CFAP141: variants seen among roughly 807,000 people sequenced by gnomAD.
CFAP141 encodes cilia and flagella associated protein 141, also known as cilia- and flagella-associated protein 141.
chr1:154,204,459 T>C, the CFAP141 span, among the ~76,000 whole-genome samples: 1 of 152,184 alleles, frequency 6.6e-6, no homozygotes, highest in East Asian at 1.9e-4. Context: ...TTAAGTTTTT[T>C]GGTAGAGATG....
chr1:154,199,871 G>GT, the CFAP141 span, among the ~76,000 whole-genome samples: 5 of 151,976 alleles, frequency 3.3e-5, no homozygotes, highest in Admixed American at 1.3e-4. Context: ...CTAAGAGGCA[G>GT]TTTTTTTTGT....
At chr1:154,202,406 T>C in the CFAP141 span, among the ~76,000 whole-genome samples, 1 of 152,156 alleles carries the variant, frequency 6.6e-6, no homozygotes, top group Non-Finnish European at 1.5e-5. Context: ...ATAGAAAGAA[T>C]ATAAATATAC....
At chr1:154,205,983 G>A in the CFAP141 span, among the ~76,000 whole-genome samples, 1 of 152,116 alleles carries the variant, frequency 6.6e-6, no homozygotes, top group Non-Finnish European at 1.5e-5. Context: ...GATTACAGGC[G>A]TGAGTCACCG....
At chr1:154,203,031 G>T in the CFAP141 span, among the ~76,000 whole-genome samples, 1 of 147,852 alleles carries the variant, frequency 6.8e-6, no homozygotes, top group Non-Finnish European at 1.5e-5. Context: ...TGGGGCACGA[G>T]AATCACTTGA....
At chr1:154,206,246 AC>A in the CFAP141 span, 1 of 1,610,910 alleles carries the variant, frequency 6.2e-7, no homozygotes, top group Non-Finnish European at 8.5e-7. Flanking sequence ...TCAAACTTCA[AC>A]CCAGCCCCTC....
At chr1:154,204,599 G>C in the CFAP141 span, among the ~76,000 whole-genome samples, 2 of 150,658 alleles carry the variant, frequency 1.3e-5, no homozygotes, top group African/African-American at 4.9e-5. Context: ...TTTGTTTTGA[G>C]ACAGGGTTTT....
At chr1:154,204,127 T>C in the CFAP141 span, among the ~76,000 whole-genome samples, 1 of 148,518 alleles carries the variant, frequency 6.7e-6, no homozygotes, top group African/African-American at 2.4e-5. Flanking sequence ...ATAAAAGCAA[T>C]AGTCATGAAC....
chr1:154,205,676 T>G, the CFAP141 span: 1 of 1,585,552 alleles, frequency 6.3e-7, no homozygotes, highest in African/African-American at 1.3e-5. Flanking sequence ...TGCCTCAGTC[T>G]CCAGAACCTC....
At chr1:154,202,868 C>T in the CFAP141 span, among the ~76,000 whole-genome samples, 95 of 151,742 alleles carry the variant, frequency 6.3e-4, 1 homozygote, top group African/African-American at 2.2e-3. Context: ...TGCCTGTAAT[C>T]CCAGCACTTC....
the CFAP141 span, chr1:154,200,669 T>C: frequency 7.1e-7 from 1 of 1,409,192 alleles, no homozygotes; most frequent in Non-Finnish European, 9.7e-7. Context: ...AGTGAGGCTG[T>C]TTCTTTTTTC....
chr1:154,204,692 G>A, the CFAP141 span, among the ~76,000 whole-genome samples: 2 of 151,652 alleles, frequency 1.3e-5, no homozygotes, highest in East Asian at 3.9e-4. Context: ...CTCCTGAGTG[G>A]CTGAGACTAC....
the CFAP141 span, chr1:154,205,736 C>A: frequency 8.8e-7 from 1 of 1,140,478 alleles, no homozygotes; most frequent in Admixed American, 1.9e-5. Flanking sequence ...CAGAGTTTTG[C>A]TCTTGTTGCC....
the CFAP141 span, among the ~76,000 whole-genome samples, chr1:154,204,573 G>GC: frequency 6.6e-6 from 1 of 151,510 alleles, no homozygotes; most frequent in African/African-American, 2.4e-5. Context: ...GAGCCAATGT[G>GC]CCCAGCTCAT....
the CFAP141 span, among the ~76,000 whole-genome samples, chr1:154,205,035 C>T: frequency 6.6e-6 from 1 of 151,890 alleles, no homozygotes; most frequent in African/African-American, 2.4e-5. Flanking sequence ...GCGCACACTA[C>T]CATGCCTGGC....
At chr1:154,202,505 A>T in the CFAP141 span, among the ~76,000 whole-genome samples, 4 of 152,210 alleles carry the variant, frequency 2.6e-5, no homozygotes, top group Non-Finnish European at 5.9e-5. Flanking sequence ...TCTACACAGA[A>T]ATACATTAAG....
chr1:154,202,675 C>G, the CFAP141 span, among the ~76,000 whole-genome samples: 2 of 151,472 alleles, frequency 1.3e-5, no homozygotes, highest in African/African-American at 4.8e-5. Context: ...GTGGCGGGTG[C>G]CTGTAGTCCC....
At chr1:154,205,782 G>A in the CFAP141 span, 3,587 of 675,804 alleles carry the variant, frequency 5.3e-3, 109 homozygotes, top group East Asian at 0.06. Flanking sequence ...TCGGCTCACC[G>A]CAATCTCCGC....
At chr1:154,203,668 T>C in the CFAP141 span, among the ~76,000 whole-genome samples, 1 of 152,240 alleles carries the variant, frequency 6.6e-6, no homozygotes, top group East Asian at 1.9e-4. Flanking sequence ...TCCTCTGCCT[T>C]GGTCTCCCAA....
the CFAP141 span, among the ~76,000 whole-genome samples, chr1:154,203,189 ATATATATATATATATATATATATAT>A: frequency 5.3e-5 from 1 of 18,852 alleles, no homozygotes; most frequent in Non-Finnish European, 8.5e-5. Flanking sequence ...ATATATATAT[ATATATATATATATATATATATATAT>A]ATATATATAT....
Sources: gnomAD v4.1 joint callset for allele counts (sites outside exome capture counted in the v4.1 genomes callset) on GRCh38, gnomAD v4.1.1 for gene constraint, MANE v1.5 for transcripts, NCBI Gene and HGNC (gene_info 2026-07-23, HGNC 2026-07-21) for gene names.